The following TIAM2 variants were observed in gnomAD, a reference collection of about 807,000 sequenced individuals.
The protein encoded by TIAM2 is rho guanine nucleotide exchange factor TIAM2.
A neutral mutation model predicts 152.9 loss-of-function variants in TIAM2; 80 were observed. The observed-to-expected ratio is 0.52, with a 90% CI of 0.44 to 0.63. The LOEUF (loss-of-function observed/expected upper bound fraction) is 0.63. Ranked by LOEUF, TIAM2 falls within the 30% of genes least tolerant of loss-of-function variation. TIAM2 has a pLI of 0.00. For synonymous variants in TIAM2, 804 were observed against 838.0 expected, an observed-to-expected ratio of 0.96 and a Z score of 0.70; for missense variants, 1,965 against 2,120.1, an observed-to-expected ratio of 0.93 and a Z score of 1.44.
intron 1 of TIAM2, among the ~76,000 whole-genome samples, chr6:155,033,801 C>T (rs1443386335): frequency 6.6e-5 from 10 of 151,844 alleles, no homozygotes. Context: ...ACTGCAACCT[C>T]CCCCTCCCGG....
At chr6:155,244,170 A>G (rs1305034188) in intron 17 of TIAM2, 91 bp downstream of exon 17, 3 of 1,237,012 alleles carry the variant, frequency 2.4e-6, no homozygotes, top group Admixed American at 3.5e-5. Context: ...ATCTCTGTTG[A>G]TCCCAAAAGA....
chr6:155,156,337 A>G lies in TIAM2; in HGVS notation c.2028+8003A>G, dbSNP rs1179477394. ...CTTCGTCTGATGCATCTTCCATACA[A>G]CAGCCAGACTGGGTTGCATCGGAAA... On this transcript the variant is annotated intron_variant, in intron 7 of 26. Coordinates refer to ENST00000682666, the MANE Select transcript of TIAM2 (RefSeq NM_012454.4). This position sits in a 1 kb window ranked among gnomAD's most constrained non-coding sequence, Gnocchi z 4.4. 6.6e-6 allele frequency among the ~76,000 whole-genome samples: 1 copy of G among 152,018 alleles called. No individual in the cohort carries two copies. Among genetic ancestry groups the G allele is most frequent in the East Asian group, 1.9e-4 (1 of 5,176 alleles).
rs369769377 is a variant in TIAM2, at chr6:155,221,534, C to A, written c.3168+10227C>A. On this transcript the variant is annotated intron_variant, in intron 15 of 26. Coordinates refer to ENST00000682666, the MANE Select transcript of TIAM2 (RefSeq NM_012454.4). ...TGCCATGGTTTTGCTCTCATCCTGT[C>A]TGAGATGACACTTGAAGTGGGATAT... 5.9e-5 allele frequency among the ~76,000 whole-genome samples: 9 copies of A among 152,178 alleles called. No homozygotes were observed. The East Asian group carries it at 1.5e-3, about 26-fold the overall frequency.
At position 155,172,445 on chromosome 6, in the gene TIAM2, C is replaced by G. The variant is rs868297786; in HGVS notation, c.2362-4371C>G. Among the ~76,000 whole-genome samples, 10 of 151,788 alleles carry G rather than the reference C, an allele frequency of 6.6e-5. No individual in the cohort carries two copies. In the South Asian group the frequency reaches 1.9e-3, roughly 29 times the overall value. The stretch of plus-strand genomic sequence containing the variant: ...TTTATGTCTTTCAAATGCAATTCCT[C>G]CCATCAGTCTCCTAACCACCCCACG... On this transcript the variant is annotated intron_variant, in intron 9 of 26. Transcript: ENST00000682666.
Position 155,257,283 on chromosome 6 carries a change from T to C in TIAM2, c.*162T>C. 1 of 816,030 alleles carries C rather than the reference T, an allele frequency of 1.2e-6. No individual in the cohort carries two copies. The highest frequency in any genetic ancestry group is 1.9e-6 in the Non-Finnish European group (1 of 538,744). The allele number at this position is 816,030 out of a possible 1,614,324, so 50.5% of individuals were successfully genotyped here. ...GTTGTAAAGATTTAAGTTATTTTAATTTATTGTGGATCAGAAACCTAGATG... is the reference window on the plus strand; with the variant it reads ...GTTGTAAAGATTTAAGTTATTTTAACTTATTGTGGATCAGAAACCTAGATG... On this transcript the variant is annotated 3_prime_UTR_variant, in exon 27 of 27. Coordinates refer to ENST00000682666, the MANE Select transcript of TIAM2 (RefSeq NM_012454.4).
chr6:155,161,786 C>G (rs1459777046), intron 7 of TIAM2, among the ~76,000 whole-genome samples: 1 of 151,346 alleles, frequency 6.6e-6, no homozygotes, highest in African/African-American at 2.4e-5. Flanking sequence ...CCATGTTGGT[C>G]AGGCTGGTCT....
At chr6:155,052,691 A>T (rs1777343754) in intron 1 of TIAM2, among the ~76,000 whole-genome samples, 4 of 151,270 alleles carry the variant, frequency 2.6e-5, no homozygotes. Flanking sequence ...GCTTGAACCC[A>T]GGAGGTGGAG....
At chr6:155,047,688 G>GAGAGAGAGAGA (rs71023609) in intron 1 of TIAM2, among the ~76,000 whole-genome samples, 1 of 44,718 alleles carries the variant, frequency 2.2e-5, no homozygotes, top group African/African-American at 8.3e-5. Context: ...GAGAGAGAGA[G>GAGAGAGAGAGA]GAGAGAGAGA....
intron 14 of TIAM2, among the ~76,000 whole-genome samples, chr6:155,200,866 GCA>G (rs1363736349): frequency 1.3e-5 from 2 of 152,000 alleles, no homozygotes; most frequent in African/African-American, 4.8e-5. Flanking sequence ...TCGTGCCACT[GCA>G]CACCAGCCTG....
intron 1 of TIAM2, among the ~76,000 whole-genome samples, chr6:155,001,670 TTGAG>T (rs1778314340): frequency 6.6e-6 from 1 of 152,236 alleles, no homozygotes; most frequent in Non-Finnish European, 1.5e-5. Context: ...GGTTTGTAGA[TTGAG>T]TAACAGAATC....
At position 155,118,347 on chromosome 6, in the gene TIAM2, C is replaced by T. The variant is rs548068146; in HGVS notation, c.-117-9143C>T. Among the ~76,000 whole-genome samples the T allele has an allele frequency of 5.3e-5, 8 of 152,180 alleles. 3 individuals are homozygous for T. Among genetic ancestry groups the T allele is most frequent in the African/African-American group, 1.9e-4 (8 of 41,530 alleles). The stretch of plus-strand genomic sequence containing the variant: ...GATCCAGCAAGTGGTTATGGAGCAC[C>T]GTGTCTTTGAACAAGCCATTTTCTG... On this transcript the variant is annotated intron_variant, in intron 2 of 26. Transcript: ENST00000682666.
intron 1 of TIAM2, among the ~76,000 whole-genome samples, chr6:155,034,504 C>G (rs540828792): frequency 6.6e-6 from 1 of 152,212 alleles, no homozygotes; most frequent in Non-Finnish European, 1.5e-5. Context: ...ATCTGCCCAC[C>G]TTGGCCTCCC....
In TIAM2 at chr6:155,249,885, C is replaced by T; in HGVS notation, c.3867C>T (p.His1289=). 6.2e-7 allele frequency: 1 copy of T among 1,614,110 alleles called. No individual in the cohort carries two copies. Among genetic ancestry groups the T allele is most frequent in the Non-Finnish European group, 8.5e-7 (1 of 1,180,000 alleles). ...ALKAMEKVAS[H]INEMQKIYED... ...AGGCAATGGAGAAAGTAGCGAGCCA[C>T]ATCAATGAGATGCAGAAGATCTATG... The change falls in exon 21 of 27, where the codon CAC becomes CAT. Residue 1289 remains histidine, a synonymous_variant. Transcript: ENST00000682666.
In TIAM2 at chr6:155,083,270, A is replaced by G. The variant is rs1399627300; in HGVS notation, c.-208-7019A>G. 3.3e-5 allele frequency among the ~76,000 whole-genome samples: 5 copies of G among 149,714 alleles called. No individual in the cohort carries two copies. In the South Asian group the frequency reaches 6.3e-4, roughly 19 times the overall value. On this transcript the variant is annotated intron_variant, in intron 1 of 26. Coordinates refer to ENST00000682666, the MANE Select transcript of TIAM2 (RefSeq NM_012454.4). ...AGGCCGAGGCAGGAGAATCACTTGA[A>G]CCCTGGAGGCAGAGGTTACAGTGAG...
chr6:155,034,283 C>G (rs1562296597), intron 1 of TIAM2, among the ~76,000 whole-genome samples: 1 of 152,128 alleles, frequency 6.6e-6, no homozygotes, highest in Non-Finnish European at 1.5e-5. Flanking sequence ...TAGAGTCTTG[C>G]TCCATTGCCC....
chr6:155,168,608 C>T (rs1780500080), intron 9 of TIAM2, among the ~76,000 whole-genome samples: 1 of 152,132 alleles, frequency 6.6e-6, no homozygotes, highest in Non-Finnish European at 1.5e-5. Flanking sequence ...CTACCCACCT[C>T]AGCCTCCCAA....
At position 155,256,691 on chromosome 6, in the gene TIAM2, A is replaced by G. The variant is rs1784058090; in HGVS notation, c.4676A>G (p.Asp1559Gly). The stretch of plus-strand genomic sequence containing the variant: ...CACCCCGGCTTGGCAGATTTTGCCG[A>G]CAATCTCATCAAAGAGAGTGACATC... ...YPHPGLADFA[D>G]NLIKESDILS... Residue 1559 changes from aspartate to glycine, a missense_variant, in exon 27 of 27, where the codon GAC becomes GGC. Coordinates refer to ENST00000682666, the MANE Select transcript of TIAM2 (RefSeq NM_012454.4). 3 of 1,614,212 alleles carry G rather than the reference A, an allele frequency of 1.9e-6. No homozygotes were observed. The highest frequency in any genetic ancestry group is 2.5e-6 in the Non-Finnish European group (3 of 1,180,038).
At chr6:155,139,584 G>A (rs576416913) in intron 5 of TIAM2, among the ~76,000 whole-genome samples, 1 of 152,190 alleles carries the variant, frequency 6.6e-6, no homozygotes, top group East Asian at 1.9e-4. Flanking sequence ...AGAAAGTTCT[G>A]CTTTAAGGTT....
intron 5 of TIAM2, 116 bp downstream of exon 5, chr6:155,137,728 A>G (rs964644493): frequency 3.5e-6 from 4 of 1,157,646 alleles, no homozygotes; most frequent in African/African-American, 3.1e-5. Flanking sequence ...GGTTTGACAC[A>G]GGATCCATGG....
Sources: allele counts gnomAD v4.1 joint callset (sites outside exome capture counted in the v4.1 genomes callset), GRCh38; gene constraint gnomAD v4.1.1; non-coding constraint Gnocchi (gnomAD v3.1); transcripts MANE v1.5; gene names NCBI Gene and HGNC (gene_info 2026-07-23, HGNC 2026-07-21).